The following WDR17 variants were observed in gnomAD, a reference collection of about 807,000 sequenced individuals.
WDR17 encodes WD repeat domain 17.
A neutral mutation model predicts 161.7 loss-of-function variants in WDR17; 143 were observed. That is an observed-to-expected ratio of 0.88 (90% CI 0.77 to 1.02). WDR17 has a LOEUF of 1.02. Among genes scored for constraint, WDR17 ranks in the 50% least tolerant of loss-of-function variants. The pLI, the probability that WDR17 is intolerant of heterozygous loss-of-function variation, is 0.00. For missense variants in WDR17, 1,469 were observed against 1,520.9 expected (o/e 0.97, Z 0.57); for synonymous variants, 517 against 515.6 (o/e 1.00, Z -0.04).
chr4:176,092,379 A>G (rs994005284), intron 1 of WDR17, among the ~76,000 whole-genome samples: 1 of 137,440 alleles, frequency 7.3e-6, no homozygotes, highest in Admixed American at 7.3e-5. Context: ...AAAAGCATTT[A>G]GAAAATTCAG....
At chr4:176,077,731 A>C (rs1734234312) in intron 1 of WDR17, among the ~76,000 whole-genome samples, 1 of 151,782 alleles carries the variant, frequency 6.6e-6, no homozygotes, top group Non-Finnish European at 1.5e-5. Context: ...AACTAGCTTC[A>C]GTGTTAAATT....
intron 1 of WDR17, among the ~76,000 whole-genome samples, chr4:176,104,919 C>G (rs183117453): frequency 5.3e-4 from 81 of 151,690 alleles, no homozygotes; most frequent in Non-Finnish European, 1.1e-3. Flanking sequence ...GGATATTAAG[C>G]TCTTCAAACA....
chr4:176,136,531 G>A (rs560153663), intron 8 of WDR17, among the ~76,000 whole-genome samples: 1 of 151,734 alleles, frequency 6.6e-6, no homozygotes, highest in Admixed American at 6.6e-5. Context: ...TTTGCATCAA[G>A]AAAGTAAAAA....
In WDR17 at chr4:176,103,632, T is replaced by C. The variant is rs566304018; in HGVS notation, c.-6-7943T>C. On this transcript the variant is annotated intron_variant, in intron 1 of 28. Transcript: ENST00000508596. The stretch of plus-strand genomic sequence containing the variant: ...AGAATTGTAGGGCTGAAAAATATAA[T>C]AACAAGTAAAATAGAAGAATTCAAA... Among the ~76,000 whole-genome samples the C allele has an allele frequency of 3.3e-5, 5 of 151,996 alleles. No individual in the cohort carries two copies. In the East Asian group the frequency reaches 9.6e-4, roughly 29 times the overall value.
chr4:176,135,168 A>G lies in WDR17; in HGVS notation c.1159A>G (p.Thr387Ala), dbSNP rs765825614. 2 of 1,612,394 alleles carry G rather than the reference A, an allele frequency of 1.2e-6. No homozygotes were observed. The highest frequency in any genetic ancestry group is 3.3e-5 in the Admixed American group (2 of 59,944). Residue 387 changes from threonine (T) to alanine (A), a missense_variant, in exon 8 of 29, where the codon ACA (threonine) becomes GCA (alanine). By Grantham distance (58) the Thr-to-Ala change is moderately conservative (BLOSUM62 0). Transcript: ENST00000508596. ...FKPDDPNLLATASFDGTIKVW... is the reference protein window; with the variant it reads ...FKPDDPNLLAAASFDGTIKVW... Reference sequence around the variant, plus strand: ...ACCTGACGATCCTAATCTTTTAGCAACAGCTTCATTTGATGGCACTATAAA... The same window carrying G: ...ACCTGACGATCCTAATCTTTTAGCAGCAGCTTCATTTGATGGCACTATAAA...
intron 1 of WDR17, among the ~76,000 whole-genome samples, chr4:176,088,114 G>A (rs982637989): frequency 9.2e-5 from 14 of 152,046 alleles, no homozygotes; most frequent in African/African-American, 1.9e-4. Context: ...AAAGTGCTGC[G>A]ATTACAGGCG....
chr4:176,138,284 A>T lies in WDR17; in HGVS notation c.1359+673A>T, dbSNP rs896266318. 9.9e-5 allele frequency among the ~76,000 whole-genome samples: 15 copies of T among 151,856 alleles called. No individual in the cohort carries two copies. The East Asian group carries it at 2.9e-3, about 29-fold the overall frequency. On this transcript the variant is annotated intron_variant, in intron 9 of 28. Transcript: ENST00000508596. ...TGATTACTATTGAAGCTTATTAAGT[A>T]TATAATTTCTTTGAAAATTGCCTAT...
intron 18 of WDR17, 96 bp downstream of exon 18, chr4:176,156,239 A>T: frequency 8.6e-7 from 1 of 1,160,678 alleles, no homozygotes; most frequent in Non-Finnish European, 1.2e-6. Flanking sequence ...GAAATTTCTT[A>T]TTCTTATGTT....
rs1435657635 is a variant in WDR17, at chr4:176,092,275, G to A, written c.-6-19300G>A. Among the ~76,000 whole-genome samples the A allele has an allele frequency of 2.0e-5, 3 of 152,274 alleles. No individual in the cohort carries two copies. The East Asian group carries it at 5.8e-4, about 29-fold the overall frequency. On this transcript the variant is annotated intron_variant, in intron 1 of 28. Coordinates refer to ENST00000508596, the MANE Select transcript of WDR17 (RefSeq NM_181265.4). Reference sequence around the variant, plus strand: ...AAGACCAAGTGGGGTTTATCCCAGGGATGCAAGGATGGTTCAACATATGCA... The same window carrying A: ...AAGACCAAGTGGGGTTTATCCCAGGAATGCAAGGATGGTTCAACATATGCA...
intron 8 of WDR17, among the ~76,000 whole-genome samples, chr4:176,135,481 A>G (rs1176078097): frequency 3.3e-5 from 5 of 151,634 alleles, no homozygotes; most frequent in Non-Finnish European, 5.9e-5. Context: ...GGTTTCCTCT[A>G]TATAACAAGT....
chr4:176,114,625 G>T (rs1740299602), intron 2 of WDR17, among the ~76,000 whole-genome samples: 1 of 151,968 alleles, frequency 6.6e-6, no homozygotes, highest in East Asian at 1.9e-4. Flanking sequence ...TTATATTCCT[G>T]TAAGGTGTAA....
chr4:176,178,301 A>G (rs2126904410), intron 28 of WDR17, among the ~76,000 whole-genome samples: 1 of 152,326 alleles, frequency 6.6e-6, no homozygotes, highest in East Asian at 1.9e-4. Flanking sequence ...TTTATTATCC[A>G]TTTATGCTCA....
intron 18 of WDR17, among the ~76,000 whole-genome samples, chr4:176,156,958 A>G (rs960221853): frequency 3.0e-4 from 45 of 152,234 alleles, no homozygotes; most frequent in African/African-American, 1.0e-3. Context: ...TCTTCTTATA[A>G]GTCATGAGTC....
chr4:176,077,808 A>C (rs1388323399), intron 1 of WDR17, among the ~76,000 whole-genome samples: 1 of 152,084 alleles, frequency 6.6e-6, no homozygotes, highest in Non-Finnish European at 1.5e-5. Context: ...AGTAGCCTCA[A>C]GCAATTCTAC....
chr4:176,143,125 C>T (rs1485552869), intron 11 of WDR17, among the ~76,000 whole-genome samples: 3 of 152,128 alleles, frequency 2.0e-5, no homozygotes, highest in African/African-American at 7.2e-5. Flanking sequence ...GTGATCCACT[C>T]GCCTTGGCCT....
In WDR17 at chr4:176,075,310, A is replaced by T. The variant is rs1441493653; in HGVS notation, c.-7+9231A>T. 3.9e-5 allele frequency among the ~76,000 whole-genome samples: 6 copies of T among 152,232 alleles called. No individual in the cohort carries two copies. The East Asian group carries it at 1.2e-3, about 29-fold the overall frequency. On this transcript the variant is annotated intron_variant, in intron 1 of 28. Transcript: ENST00000508596. ...AGTCGATTTTTCCCTAAATATCAGG[A>T]AACAAATTGTTTCTACTGATTACCT...
intron 17 of WDR17, among the ~76,000 whole-genome samples, chr4:176,152,308 A>G (rs1245299342): frequency 1.3e-5 from 2 of 149,382 alleles, no homozygotes; most frequent in Admixed American, 6.7e-5. Context: ...AAAAAAAAAA[A>G]AAAAAAGCCT....
chr4:176,131,766 A>G, intron 7 of WDR17, 28 bp downstream of exon 7: 1 of 1,495,960 alleles, frequency 6.7e-7, no homozygotes, highest in East Asian at 2.4e-5. Flanking sequence ...CCTTTATTAT[A>G]CATAATAGTT....
At chr4:176,074,740 C>A (rs1176154022) in intron 1 of WDR17, among the ~76,000 whole-genome samples, 2 of 151,694 alleles carry the variant, frequency 1.3e-5, no homozygotes, top group African/African-American at 4.8e-5. Flanking sequence ...AATACACGAG[C>A]CCCTGTGCTA....
Sources: allele counts gnomAD v4.1 joint callset (sites outside exome capture counted in the v4.1 genomes callset), GRCh38; gene constraint gnomAD v4.1.1; transcripts MANE v1.5; gene names NCBI Gene and HGNC (gene_info 2026-07-23, HGNC 2026-07-21).